The following IQGAP2 variants were observed in gnomAD, a reference collection of about 807,000 sequenced individuals.
The protein encoded by IQGAP2 is ras GTPase-activating-like protein IQGAP2.
In IQGAP2, 173 loss-of-function variants were observed where a neutral mutation model predicts 201.3. That is an observed-to-expected ratio of 0.86 (90% CI 0.76 to 0.98). IQGAP2 has a LOEUF of 0.98. Among genes scored for constraint, IQGAP2 ranks in the 50% least tolerant of loss-of-function variants. The probability of loss-of-function intolerance (pLI) is 0.00; values close to 1 mark genes in which losing one functional copy is unlikely to be tolerated. For synonymous variants in IQGAP2, 675 were observed against 673.9 expected (o/e 1.00, Z -0.03); for missense variants, 1,687 against 1,864.8 (o/e 0.90, Z 1.76).
intron 29 of IQGAP2, 121 bp downstream of exon 29, chr5:76,683,338 A>T: frequency 1.6e-6 from 1 of 609,454 alleles, no homozygotes; most frequent in South Asian, 2.3e-5. Context: ...ATGCTTAAGC[A>T]TATTTAAAGA....
intron 17 of IQGAP2, among the ~76,000 whole-genome samples, chr5:76,645,898 T>C (rs1217722916): frequency 6.6e-6 from 1 of 152,024 alleles, no homozygotes; most frequent in Admixed American, 6.6e-5. Context: ...TATTAAATAA[T>C]CTGTTACTAT....
chr5:76,408,888 G>A (rs932448037), intron 1 of IQGAP2, among the ~76,000 whole-genome samples: 1 of 152,038 alleles, frequency 6.6e-6, no homozygotes, highest in Non-Finnish European at 1.5e-5. Flanking sequence ...CACCTCCTGG[G>A]TTAAAGTGAT....
intron 22 of IQGAP2, 129 bp from the exon 23 acceptor site, chr5:76,668,552 A>G: frequency 1.4e-6 from 1 of 692,030 alleles, no homozygotes; most frequent in Middle Eastern, 4.0e-4. Context: ...TTATATACTC[A>G]TCTATATGCT....
intron 2 of IQGAP2, among the ~76,000 whole-genome samples, chr5:76,465,015 C>T (rs1311561276): frequency 1.3e-5 from 2 of 152,150 alleles, no homozygotes; most frequent in African/African-American, 4.8e-5. Flanking sequence ...TAAGAGCAGT[C>T]CTTGCAAACT....
chr5:76,682,181 G>A (rs1276744386), intron 28 of IQGAP2, among the ~76,000 whole-genome samples: 3 of 152,128 alleles, frequency 2.0e-5, no homozygotes, highest in Non-Finnish European at 2.9e-5. Context: ...CCATTGCATC[G>A]TACATTTTAA....
intron 14 of IQGAP2, among the ~76,000 whole-genome samples, chr5:76,630,876 C>G (rs944284010): frequency 6.6e-6 from 1 of 152,124 alleles, no homozygotes; most frequent in Non-Finnish European, 1.5e-5. Flanking sequence ...TATATGTGCC[C>G]CTCCAGATTT....
intron 2 of IQGAP2, among the ~76,000 whole-genome samples, chr5:76,494,048 A>C (rs1756729178): frequency 6.6e-6 from 1 of 152,182 alleles, no homozygotes; most frequent in Non-Finnish European, 1.5e-5. Flanking sequence ...ATGTAATGTA[A>C]ATGTTATGTA....
intron 13 of IQGAP2, among the ~76,000 whole-genome samples, chr5:76,624,725 G>C (rs764774148): frequency 5.3e-5 from 8 of 152,112 alleles, no homozygotes; most frequent in Non-Finnish European, 8.8e-5. Flanking sequence ...CTGAAGTGGA[G>C]GTGTGGCCGT....
At chr5:76,612,178 T>C (rs986957635) in intron 13 of IQGAP2, among the ~76,000 whole-genome samples, 4 of 152,128 alleles carry the variant, frequency 2.6e-5, no homozygotes, top group African/African-American at 9.7e-5. Context: ...ATTAAGTAAC[T>C]TGTTGAAAGC....
intron 1 of IQGAP2, among the ~76,000 whole-genome samples, chr5:76,420,631 T>C (rs986013576): frequency 6.6e-6 from 1 of 152,212 alleles, no homozygotes; most frequent in African/African-American, 2.4e-5. Flanking sequence ...CACCTTGGCC[T>C]CCCAAAGGGC....
At chr5:76,624,431 T>C (rs1554076541) in intron 13 of IQGAP2, 1 of 152,226 alleles carries the variant, frequency 6.6e-6, no homozygotes, top group Non-Finnish European at 1.5e-5. Context: ...GAAATTGATC[T>C]GCGGAAACCT....
intron 30 of IQGAP2, among the ~76,000 whole-genome samples, chr5:76,688,257 A>G (rs1745959725): frequency 6.6e-6 from 1 of 152,226 alleles, no homozygotes; most frequent in Non-Finnish European, 1.5e-5. Flanking sequence ...TCAAAAAACT[A>G]TTCTGCTTTT....
At chr5:76,477,173 C>T (rs913830182) in intron 2 of IQGAP2, among the ~76,000 whole-genome samples, 1 of 149,838 alleles carries the variant, frequency 6.7e-6, no homozygotes, top group Non-Finnish European at 1.5e-5. Flanking sequence ...TGTCTCTGCA[C>T]AAAATACAAA....
chr5:76,506,940 TC>T lies in IQGAP2; in HGVS notation c.146+45274del, dbSNP rs151304337. On this transcript the variant is annotated intron_variant, in intron 2 of 35. Coordinates refer to ENST00000274364, the MANE Select transcript of IQGAP2 (RefSeq NM_006633.5). ...TCCATGTTGTCAAGATACCAGTTCT[TC>T]CCAACTTGATCTATAGGTCCAAAGC... Among the ~76,000 whole-genome samples the T allele has an allele frequency of 4.4e-3, 665 of 152,326 alleles. 6 individuals are homozygous for T. Among genetic ancestry groups the T allele is most frequent in the Non-Finnish European group, 6.9e-3 (467 of 68,024 alleles).
intron 1 of IQGAP2, among the ~76,000 whole-genome samples, chr5:76,419,320 G>T (rs1328486461): frequency 1.4e-5 from 2 of 146,848 alleles, no homozygotes; most frequent in Admixed American, 7.0e-5. Flanking sequence ...TTGAGACAGG[G>T]TCTCACTAGG....
intron 2 of IQGAP2, among the ~76,000 whole-genome samples, chr5:76,466,700 T>C (rs1301087103): frequency 6.6e-6 from 1 of 152,212 alleles, no homozygotes; most frequent in Non-Finnish European, 1.5e-5. Flanking sequence ...ACAAACATTT[T>C]CTTAAAATGG....
At chr5:76,665,269 A>C in intron 22 of IQGAP2, 94 bp downstream of exon 22, 5 of 1,041,598 alleles carry the variant, frequency 4.8e-6, no homozygotes. Flanking sequence ...CTTCAGCTAT[A>C]ATAGCATACA....
chr5:76,618,572 T>C (rs750007660), intron 13 of IQGAP2: 1 of 1,614,084 alleles, frequency 6.2e-7, no homozygotes, highest in South Asian at 1.1e-5. Context: ...CAAAAGAATT[T>C]GGGGGAGCTC....
intron 2 of IQGAP2, among the ~76,000 whole-genome samples, chr5:76,486,278 A>G (rs1756131084): frequency 6.6e-6 from 1 of 152,212 alleles, no homozygotes; most frequent in African/African-American, 2.4e-5. Context: ...TAAATAAATA[A>G]ATCTCATTTG....
Sources: allele counts gnomAD v4.1 joint callset (sites outside exome capture counted in the v4.1 genomes callset), GRCh38; gene constraint gnomAD v4.1.1; transcripts MANE v1.5; gene names NCBI Gene and HGNC (gene_info 2026-07-23, HGNC 2026-07-21).